RPH3AL: variants seen among roughly 807,000 people sequenced by gnomAD.
The protein encoded by RPH3AL is rabphilin 3A like (without C2 domains).
In RPH3AL, 38 loss-of-function variants were observed where a neutral mutation model predicts 43.1. The observed-to-expected ratio is 0.88, with a 90% CI of 0.68 to 1.15. RPH3AL has a LOEUF of 1.15. RPH3AL is among the 50% of genes most tolerant of loss of function. The probability of loss-of-function intolerance (pLI) is 0.00; values close to 1 mark genes in which losing one functional copy is unlikely to be tolerated. For synonymous variants in RPH3AL, 189 were observed against 176.3 expected (o/e 1.07, Z -0.57); for missense variants, 462 against 423.2 (o/e 1.09, Z -0.81).
chr17:235,154 G>A (rs532996298), intron 7 of RPH3AL, among the ~76,000 whole-genome samples: 15 of 151,618 alleles, frequency 9.9e-5, no homozygotes, highest in Non-Finnish European at 2.1e-4. Flanking sequence ...CGGGTGCAGG[G>A]TTCAAAGCTG....
At chr17:273,016 ATCAGGAAGAGACCCCAGCGAGGGCGACG>A (rs1567604608) in intron 6 of RPH3AL, among the ~76,000 whole-genome samples, 50 of 38,190 alleles carry the variant, frequency 1.3e-3, no homozygotes, top group East Asian at 2.8e-3. Flanking sequence ...CGAGGGCGAC[ATCAGGAAGAGACCCCAGCGAGGGCGACG>A]TCAGGGAGAG....
At chr17:325,996 TGAGA>T (rs2044610087) in intron 3 of RPH3AL, among the ~76,000 whole-genome samples, 1 of 152,132 alleles carries the variant, frequency 6.6e-6, no homozygotes, top group Non-Finnish European at 1.5e-5. Context: ...TGGCTGCTGC[TGAGA>T]GAGAGAGAAG....
At chr17:296,929 A>T (rs1466054987) in intron 5 of RPH3AL, among the ~76,000 whole-genome samples, 1 of 152,202 alleles carries the variant, frequency 6.6e-6, no homozygotes, top group South Asian at 2.1e-4. Flanking sequence ...TCAAGCATCC[A>T]AGGGGACAAG....
chr17:275,072 C>T (rs1415409671), intron 6 of RPH3AL, among the ~76,000 whole-genome samples: 1 of 152,100 alleles, frequency 6.6e-6, no homozygotes, highest in African/African-American at 2.4e-5. Flanking sequence ...GGTATTAATA[C>T]AGGCACTCTG....
chr17:317,915 C>A (rs1003835709), intron 5 of RPH3AL, among the ~76,000 whole-genome samples: 5 of 150,792 alleles, frequency 3.3e-5, no homozygotes, highest in Admixed American at 2.0e-4. Context: ...CACCCCACCC[C>A]ACCCCATCCT....
At chr17:324,702 G>GCTAGCTAGCTATCTATCTAT (rs1301592247) in intron 3 of RPH3AL, among the ~76,000 whole-genome samples, 36 of 119,814 alleles carry the variant, frequency 3.0e-4, no homozygotes, top group African/African-American at 7.2e-4. Context: ...TAGCTAGCTA[G>GCTAGCTAGCTATCTATCTAT]CTATGTACCT....
Position 321,286 on chromosome 17 carries a change from C to G in RPH3AL, c.207G>C (p.Glu69Asp). The change falls in exon 4 of 10, where the codon GAG becomes GAC. Residue 69 changes from glutamate to aspartate, a missense_variant. By Grantham distance (45) the Glu-to-Asp change is conservative (BLOSUM62 2). Transcript: ENST00000331302. ...IQRAERLDVL[E>D]QQRIGRLVER... The stretch of plus-strand genomic sequence containing the variant: ...CCCCGCCTCACCCGATTCTCTGCTG[C>G]TCCAGGACGTCGAGCCGCTCTGCCC... The G allele has an allele frequency of 6.2e-7, 1 of 1,608,634 alleles. No individual in the cohort carries two copies. The highest frequency in any genetic ancestry group is 8.5e-7 in the Non-Finnish European group (1 of 1,179,736).
chr17:239,814 G>A (rs2041485097), intron 7 of RPH3AL, among the ~76,000 whole-genome samples: 1 of 152,146 alleles, frequency 6.6e-6, no homozygotes, highest in Admixed American at 6.5e-5. Flanking sequence ...TTTATTTGTA[G>A]AGACAGTGTC....
chr17:249,389 T>C (rs909222381), intron 6 of RPH3AL, among the ~76,000 whole-genome samples: 2 of 151,892 alleles, frequency 1.3e-5, no homozygotes, highest in Admixed American at 1.3e-4. Flanking sequence ...AGGGCTTATC[T>C]CACCGGGAGG....
At chr17:316,555 A>C (rs199747840) in intron 5 of RPH3AL, among the ~76,000 whole-genome samples, 1,133 of 64,576 alleles carry the variant, frequency 0.018, no homozygotes, top group Middle Eastern at 0.048. Context: ...CTCCACTGAC[A>C]TGTAGTCCCT....
At chr17:253,170 G>C (rs1555543266) in intron 6 of RPH3AL, among the ~76,000 whole-genome samples, 1 of 152,206 alleles carries the variant, frequency 6.6e-6, no homozygotes, top group African/African-American at 2.4e-5. Flanking sequence ...CCAGAGTGAG[G>C]GGCGTGGGGC....
At chr17:267,341 T>C (rs2151581270) in intron 6 of RPH3AL, among the ~76,000 whole-genome samples, 1 of 152,250 alleles carries the variant, frequency 6.6e-6, no homozygotes, top group Non-Finnish European at 1.5e-5. Flanking sequence ...GTTACAATGG[T>C]GATTGGCTGC....
chr17:297,324 C>T (rs532605142), intron 5 of RPH3AL, among the ~76,000 whole-genome samples: 8 of 152,206 alleles, frequency 5.3e-5, no homozygotes, highest in African/African-American at 1.4e-4. Context: ...TGTTTCTCTG[C>T]GAGTTCTGTG....
At chr17:268,830 C>G (rs942463142) in intron 6 of RPH3AL, among the ~76,000 whole-genome samples, 2 of 152,070 alleles carry the variant, frequency 1.3e-5, no homozygotes, top group African/African-American at 4.8e-5. Context: ...TCCTGAGTAG[C>G]TGGGACTATA....
chr17:332,384 C>A (rs2044800695), intron 2 of RPH3AL: 1 of 176,644 alleles, frequency 5.7e-6, no homozygotes. Flanking sequence ...TGGGCATCCA[C>A]CCAGGAGCCC....
chr17:314,848 C>G (rs1256255582), intron 5 of RPH3AL, among the ~76,000 whole-genome samples: 140 of 150,094 alleles, frequency 9.3e-4, no homozygotes, highest in Admixed American at 4.7e-3. Flanking sequence ...CCTCCATTGA[C>G]CTGTAGTCCC....
At chr17:286,560 A>T (rs940908420) in intron 5 of RPH3AL, among the ~76,000 whole-genome samples, 18 of 152,236 alleles carry the variant, frequency 1.2e-4, no homozygotes, top group African/African-American at 4.1e-4. Flanking sequence ...GGCCTCTTCC[A>T]ATGGGCTCGG....
intron 6 of RPH3AL, among the ~76,000 whole-genome samples, chr17:253,741 ACGTGAC>A (rs1555543618): frequency 3.6e-3 from 514 of 143,414 alleles, no homozygotes; most frequent in Non-Finnish European, 4.8e-3. Flanking sequence ...ATCCCTAGGA[ACGTGAC>A]TACCCTACGT....
At position 274,729 on chromosome 17, in the gene RPH3AL, G is replaced by A. The variant is rs1444195923; in HGVS notation, c.438+7039C>T. Among the ~76,000 whole-genome samples the A allele has an allele frequency of 6.6e-6, 1 of 152,184 alleles. No individual in the cohort carries two copies. Among genetic ancestry groups the A allele is most frequent in the African/African-American group, 2.4e-5 (1 of 41,444 alleles). ...GGGAGGGGCTATGAGGAGACGCCTTGGAGTCAATCCTGGGTCTGCGGGGCT... is the reference window on the plus strand; with the variant it reads ...GGGAGGGGCTATGAGGAGACGCCTTAGAGTCAATCCTGGGTCTGCGGGGCT... On this transcript the variant is annotated intron_variant, in intron 6 of 9. Transcript: ENST00000331302. This position sits in a 1 kb window ranked among gnomAD's most constrained non-coding sequence, Gnocchi z 4.7.
Sources: gnomAD v4.1 joint callset for allele counts (sites outside exome capture counted in the v4.1 genomes callset) on GRCh38, gnomAD v4.1.1 for gene constraint, Gnocchi (gnomAD v3.1) non-coding constraint, MANE v1.5 for transcripts, NCBI Gene and HGNC (gene_info 2026-07-23, HGNC 2026-07-21) for gene names.